Variants in ITPKC observed in about 807,000 individuals in gnomAD.
ITPKC encodes IP3 3-kinase C.
ITPKC carries 33 observed loss-of-function variants against 67.1 expected under a neutral mutation model. The observed-to-expected ratio is 0.49, with a 90% CI of 0.37 to 0.66. The LOEUF is 0.66. Ranked by LOEUF, ITPKC falls within the 30% of genes least tolerant of loss-of-function variation. ITPKC has a pLI of 0.00. For missense variants in ITPKC, 820 were observed against 892.1 expected (o/e 0.92, Z 1.03); for synonymous variants, 341 against 359.8 (o/e 0.95, Z 0.59).
chr19:40,725,454 G>A lies in ITPKC; in HGVS notation c.1255+15G>A. Reference sequence around the variant, plus strand: ...TGGACATGCTGGTAAGTGGGGTGGTGGTGGACAGAGCTGGGCAGAGTCTCC... The same window carrying A: ...TGGACATGCTGGTAAGTGGGGTGGTAGTGGACAGAGCTGGGCAGAGTCTCC... On this transcript the variant is annotated intron_variant, in intron 2 of 6. Coordinates refer to ENST00000263370, the MANE Select transcript of ITPKC (RefSeq NM_025194.3). 6.5e-7 allele frequency: 1 copy of A among 1,545,454 alleles called. No homozygotes were observed. Among genetic ancestry groups the A allele is most frequent in the South Asian group, 1.1e-5 (1 of 89,714 alleles).
intron 1 of ITPKC, 125 bp downstream of exon 1, chr19:40,718,415 C>G: frequency 1.6e-6 from 2 of 1,243,204 alleles, no homozygotes; most frequent in Non-Finnish European, 2.1e-6. Flanking sequence ...CTCCGGGAAC[C>G]TCTTCCATCC....
chr19:40,718,820 A>T (rs1226271167), intron 1 of ITPKC, among the ~76,000 whole-genome samples: 2 of 152,154 alleles, frequency 1.3e-5, no homozygotes, highest in Non-Finnish European at 2.9e-5. Flanking sequence ...CCCAGCTTGC[A>T]TCAGATTCGC....
Position 40,733,126 on chromosome 19 carries a change from A to G in ITPKC, c.1470-34A>G, listed in dbSNP as rs766395488. On this transcript the variant is annotated intron_variant, in intron 3 of 6. Transcript: ENST00000263370. ...GGGTAAGCCCTCCAGTTTGTTCTAC[A>G]TAATTTCCTTTGTCACATCCTCTGT... 114 of 1,597,038 alleles carry G rather than the reference A, an allele frequency of 7.1e-5. 3 individuals carry two copies. In the South Asian group the frequency reaches 1.2e-3, roughly 17 times the overall value.
In ITPKC at chr19:40,718,275, C is replaced by G; in HGVS notation, c.1140C>G (p.Pro380=). ...CCGGGGGCGGAGGTGCCAGCGATCC[C>G]GAGGACAGGTCTGGGGTGAGTGGGA... is the stretch of plus-strand genomic sequence containing the variant. The part of the protein sequence containing the change: ...VVAGGGGASD[P]EDRSGSKPWK... The change falls in exon 1 of 7, where the codon CCC becomes CCG. Residue 380 remains proline, a synonymous_variant. Transcript: ENST00000263370. 3 of 1,518,054 alleles carry G rather than the reference C, an allele frequency of 2.0e-6. No homozygotes were observed. The highest frequency in any genetic ancestry group is 2.3e-5 in the East Asian group (1 of 44,186). 94.0% of individuals were successfully genotyped at this position (1,518,054 alleles called of 1,614,324 possible). A position where few individuals can be genotyped will look rare whatever the true frequency, so the allele number is the denominator to read the frequency against.
At chr19:40,722,968 TA>T (rs2082229068) in intron 1 of ITPKC, among the ~76,000 whole-genome samples, 1 of 151,720 alleles carries the variant, frequency 6.6e-6, no homozygotes, top group Admixed American at 6.6e-5. Context: ...TTTATTTATT[TA>T]TTTATTTTTT....
Position 40,717,390 on chromosome 19 carries a change from G to T in ITPKC, c.255G>T (p.Pro85=), listed in dbSNP as rs767659630. The change falls in exon 1 of 7, where the codon CCG becomes CCT. Residue 85 remains proline, a synonymous_variant. Coordinates refer to ENST00000263370, the MANE Select transcript of ITPKC (RefSeq NM_025194.3). ...GGCCTGCGCCGGGGACAGAGAGTCC[G>T]CAGGCAGAATTCTGGACAGACGGAC... ...GLGPAPGTES[P]QAEFWTDGQT... is the part of the protein sequence containing the mutation. 1.4e-5 allele frequency: 22 copies of T among 1,613,234 alleles called. No individual in the cohort carries two copies. In the East Asian group the frequency reaches 1.8e-4, roughly 13 times the overall value.
In ITPKC at chr19:40,717,514, A is replaced by T. The variant is rs753661842; in HGVS notation, c.379A>T (p.Ser127Cys). ...CAGCCTCCGGACGCATCTAGAATGG[A>T]GCTGGTCAGAGCTGGAGACGACTTG... ...RSSLRTHLEW[S>C]WSELETTCLW... is the part of the protein sequence containing the mutation. The change falls in exon 1 of 7, where the codon AGC (serine) becomes TGC (cysteine). Residue 127 changes from serine to cysteine, a missense_variant. This residue lies in a region of ITPKC where 481 missense variants were observed against 470.1 expected (regional missense o/e 1.02). Transcript: ENST00000263370. 11 of 1,613,974 alleles carry T rather than the reference A, an allele frequency of 6.8e-6. 1 individual carries two copies. In the South Asian group the frequency reaches 1.1e-4, roughly 16 times the overall value.
intron 3 of ITPKC, among the ~76,000 whole-genome samples, chr19:40,729,977 A>G (rs914677611): frequency 1.3e-5 from 2 of 151,892 alleles, no homozygotes; most frequent in Non-Finnish European, 2.9e-5. Flanking sequence ...GTCTTACTCT[A>G]TCGCCCAGGC....
chr19:40,730,461 T>G (rs534158821), intron 3 of ITPKC, among the ~76,000 whole-genome samples: 2 of 152,330 alleles, frequency 1.3e-5, no homozygotes, highest in African/African-American at 4.8e-5. Context: ...AGACAGAGTC[T>G]CATTCTGTTG....
At chr19:40,735,027 G>C (rs1247494618) in intron 4 of ITPKC, among the ~76,000 whole-genome samples, 1 of 152,054 alleles carries the variant, frequency 6.6e-6, no homozygotes, top group South Asian at 2.1e-4. Context: ...TGATCCACCC[G>C]CCTTGGCCTC....
chr19:40,722,704 C>G (rs957550962), intron 1 of ITPKC, among the ~76,000 whole-genome samples: 3 of 152,174 alleles, frequency 2.0e-5, no homozygotes, highest in African/African-American at 7.2e-5. Flanking sequence ...AACCCTGTCT[C>G]AAAAAGCTCA....
At chr19:40,736,176 A>G (rs1335549933) in intron 4 of ITPKC, among the ~76,000 whole-genome samples, 1 of 152,066 alleles carries the variant, frequency 6.6e-6, no homozygotes, top group Non-Finnish European at 1.5e-5. Context: ...CTGTAGTCCC[A>G]GCTATCAGGA....
In ITPKC at chr19:40,739,832, T is replaced by C. The variant is rs1281231176; in HGVS notation, c.*272T>C. 5 of 515,706 alleles carry C rather than the reference T, an allele frequency of 9.7e-6. No homozygotes were observed. The highest frequency in any genetic ancestry group is 3.4e-5 in the Admixed American group (1 of 29,042). 31.9% of individuals were successfully genotyped at this position (515,706 alleles called of 1,614,324 possible). On this transcript the variant is annotated 3_prime_UTR_variant, in exon 7 of 7. Coordinates refer to ENST00000263370, the MANE Select transcript of ITPKC (RefSeq NM_025194.3). The stretch of plus-strand genomic sequence containing the variant: ...GAAAAACCAGAACGGGGTCCCCGGA[T>C]CTGCCGGGAAGGCTTCTGAGGGGCT...
intron 1 of ITPKC, 147 bp downstream of exon 1, chr19:40,718,437 C>A: frequency 9.7e-7 from 1 of 1,026,446 alleles, no homozygotes; most frequent in Admixed American, 3.2e-5. Context: ...CTGACCTCCT[C>A]CCTCTGACAG....
chr19:40,735,487 G>A (rs922134536), intron 4 of ITPKC, among the ~76,000 whole-genome samples: 14 of 151,944 alleles, frequency 9.2e-5, no homozygotes, highest in East Asian at 3.9e-4. Flanking sequence ...ACACAGGTGC[G>A]TGCCACCACA....
chr19:40,734,003 C>T (rs2082283396), intron 4 of ITPKC, among the ~76,000 whole-genome samples: 1 of 152,184 alleles, frequency 6.6e-6, no homozygotes, highest in African/African-American at 2.4e-5. Context: ...GCTGTCCTTC[C>T]CATTCTGTCC....
At position 40,739,771 on chromosome 19, in the gene ITPKC, G is replaced by C. The variant is rs1365799560; in HGVS notation, c.*211G>C. On this transcript the variant is annotated 3_prime_UTR_variant, in exon 7 of 7. Transcript: ENST00000263370. ...GGCCCCATCATGATGCAGGGGTTTT[G>C]GGGACCTGGAAGGAAGGTGATGAGG... is the stretch of plus-strand genomic sequence containing the variant. The C allele has an allele frequency of 3.5e-6, 2 of 578,966 alleles. No individual in the cohort carries two copies. The highest frequency in any genetic ancestry group is 6.1e-6 in the Non-Finnish European group (2 of 325,554). The allele number at this position is 578,966 out of a possible 1,614,324, so 35.9% of individuals were successfully genotyped here.
In ITPKC at chr19:40,729,465, T is replaced by G. The variant is rs971431998; in HGVS notation, c.1469+50T>G. 3 of 1,519,312 alleles carry G rather than the reference T, an allele frequency of 2.0e-6. No individual in the cohort carries two copies. The African/African-American group carries it at 4.1e-5, about 21-fold the overall frequency. 94.1% of individuals were successfully genotyped at this position (1,519,312 alleles called of 1,614,324 possible). A position where few individuals can be genotyped will look rare whatever the true frequency, so the allele number is the denominator to read the frequency against. The stretch of plus-strand genomic sequence containing the variant: ...AGGGATGGAGGGCAGGGGGTGGGCA[T>G]TATTGAAAATATTGGCCTGGCCAGG... On this transcript the variant is annotated intron_variant, in intron 3 of 6. Coordinates refer to ENST00000263370, the MANE Select transcript of ITPKC (RefSeq NM_025194.3).
rs1195372764 is a variant in ITPKC, at chr19:40,717,695, G to C, written c.560G>C (p.Arg187Thr). 12 of 1,613,964 alleles carry C rather than the reference G, an allele frequency of 7.4e-6. No homozygotes were observed. The highest frequency in any genetic ancestry group is 8.5e-6 in the Non-Finnish European group (10 of 1,180,008). ...CATGGGTCACAGACTCAGCCAGAGA[G>C]GGTCAAGTCCTGGGCTGATAACCTC... ...ETHGSQTQPE[R>T]VKSWADNLWT... Residue 187 changes from arginine (R) to threonine (T), a missense_variant, in exon 1 of 7, where the codon AGG (arginine) becomes ACG (threonine). Physicochemically the swap from Arg to Thr is moderately conservative, Grantham distance 71. This residue lies in a region of ITPKC where 481 missense variants were observed against 470.1 expected (regional missense o/e 1.02). Coordinates refer to ENST00000263370, the MANE Select transcript of ITPKC (RefSeq NM_025194.3).
Sources: gnomAD v4.1 joint callset for allele counts (sites outside exome capture counted in the v4.1 genomes callset) on GRCh38, gnomAD v4.1.1 for gene constraint, gnomAD v4.1.1 regional missense constraint, MANE v1.5 for transcripts, NCBI Gene and HGNC (gene_info 2026-07-23, HGNC 2026-07-21) for gene names.